The following SMIM35 variants were observed in gnomAD, a reference collection of about 807,000 sequenced individuals.
SMIM35 encodes the protein small integral membrane protein 35, also known as TMPRSS4 antisense RNA 1 (non-protein coding).
intron 1 of SMIM35, among the ~76,000 whole-genome samples, chr11:118,068,213 C>T (rs1271853788): frequency 1.3e-5 from 2 of 152,066 alleles, no homozygotes; most frequent in Non-Finnish European, 2.9e-5. Flanking sequence ...ATTTCCCCAG[C>T]GCACACAGCC....
intron 1 of SMIM35, among the ~76,000 whole-genome samples, chr11:118,019,432 G>GGGAACTC (rs1440939253): frequency 3.0e-4 from 46 of 152,302 alleles, no homozygotes; most frequent in Non-Finnish European, 5.3e-4. Flanking sequence ...TGAGGAGTCA[G>GGGAACTC]AATTTAAGTT....
chr11:118,023,855 A>G (rs1239596430), intron 1 of SMIM35, among the ~76,000 whole-genome samples: 1 of 152,080 alleles, frequency 6.6e-6, no homozygotes, highest in African/African-American at 2.4e-5. Flanking sequence ...CAAAATAGTG[A>G]AACACCATCT....
At chr11:118,038,423 T>G (rs1591290999) in intron 1 of SMIM35, among the ~76,000 whole-genome samples, 1 of 152,306 alleles carries the variant, frequency 6.6e-6, no homozygotes, top group East Asian at 1.9e-4. Context: ...TTCCAGGAAG[T>G]TTTTCTTTTT....
intron 1 of SMIM35, among the ~76,000 whole-genome samples, chr11:118,080,182 C>A (rs1186890069): frequency 6.6e-6 from 1 of 152,166 alleles, no homozygotes. Flanking sequence ...ACCCCTGGAG[C>A]TGAAAAAGCA....
chr11:118,069,666 G>A (rs569823408), intron 1 of SMIM35, among the ~76,000 whole-genome samples: 23 of 152,304 alleles, frequency 1.5e-4, no homozygotes, highest in African/African-American at 5.3e-4. Flanking sequence ...AATGAATAGT[G>A]TTGGGAGGTA....
chr11:118,012,915 C>T (rs2058157706), intron 4 of SMIM35, among the ~76,000 whole-genome samples: 1 of 152,230 alleles, frequency 6.6e-6, no homozygotes, highest in African/African-American at 2.4e-5. Context: ...AAGAAGCTCC[C>T]TGCTGGTGTC....
At chr11:118,012,226 C>G (rs1009767819) in intron 4 of SMIM35, among the ~76,000 whole-genome samples, 1 of 152,224 alleles carries the variant, frequency 6.6e-6, no homozygotes, top group Non-Finnish European at 1.5e-5. Flanking sequence ...TTGCCCTACT[C>G]CATCCACAGG....
At chr11:118,042,408 C>G (rs1944020555) in intron 1 of SMIM35, among the ~76,000 whole-genome samples, 1 of 151,996 alleles carries the variant, frequency 6.6e-6, no homozygotes, top group Non-Finnish European at 1.5e-5. Flanking sequence ...AAAACTGACT[C>G]AAGAAGAAAC....
intron 1 of SMIM35, among the ~76,000 whole-genome samples, chr11:118,049,233 G>A (rs1944167053): frequency 6.6e-6 from 1 of 152,038 alleles, no homozygotes; most frequent in African/African-American, 2.4e-5. Flanking sequence ...GAGTGGCCGG[G>A]AGACTGGTCC....
intron 1 of SMIM35, among the ~76,000 whole-genome samples, chr11:118,064,961 G>A (rs536523021): frequency 6.6e-5 from 10 of 152,174 alleles, no homozygotes; most frequent in South Asian, 2.1e-4. Context: ...AATATTAAAC[G>A]CTAGCCTTCT....
chr11:118,014,254 C>T (rs767188621), intron 3 of SMIM35, among the ~76,000 whole-genome samples: 62 of 151,570 alleles, frequency 4.1e-4, no homozygotes, highest in South Asian at 2.1e-4. Context: ...GAAACTAATA[C>T]GGCAGTAGTG....
intron 1 of SMIM35, chr11:118,067,121 A>G (rs367781023): frequency 6.6e-5 from 10 of 152,278 alleles, no homozygotes; most frequent in East Asian, 5.8e-4. Context: ...ATGTGTAAAC[A>G]TGTCACAATA....
chr11:118,028,195 A>T (rs532313571), intron 1 of SMIM35, among the ~76,000 whole-genome samples: 115 of 152,304 alleles, frequency 7.6e-4, no homozygotes, highest in African/African-American at 2.6e-3. Context: ...GTAGGGAGTC[A>T]GTGTAGACAA....
chr11:118,014,438 A>G (rs984963986), intron 3 of SMIM35, among the ~76,000 whole-genome samples: 4 of 148,922 alleles, frequency 2.7e-5, no homozygotes, highest in East Asian at 1.9e-4. Context: ...GGATGAATGG[A>G]TGGATGGATG....
At chr11:118,086,052 C>T (rs538435457) in intron 1 of SMIM35, among the ~76,000 whole-genome samples, 75 of 152,354 alleles carry the variant, frequency 4.9e-4, no homozygotes, top group African/African-American at 1.7e-3. Flanking sequence ...CCAGGTCTGT[C>T]TTCAGTTTAA....
At chr11:118,030,660 T>C (rs1470751388) in intron 1 of SMIM35, among the ~76,000 whole-genome samples, 6 of 151,456 alleles carry the variant, frequency 4.0e-5, no homozygotes, top group African/African-American at 1.2e-4. Flanking sequence ...GGGAGGAGGG[T>C]ATCCATAAAG....
chr11:118,063,394 G>A (rs536130867), intron 1 of SMIM35, among the ~76,000 whole-genome samples: 67 of 152,032 alleles, frequency 4.4e-4, no homozygotes, highest in African/African-American at 1.3e-3. Flanking sequence ...TGTCTCTCTC[G>A]TCTGCATTTT....
chr11:118,036,255 T>C (rs1399107632), intron 1 of SMIM35, among the ~76,000 whole-genome samples: 1 of 152,180 alleles, frequency 6.6e-6, no homozygotes, highest in Non-Finnish European at 1.5e-5. Flanking sequence ...GATCTAGATA[T>C]ACCCTTACCA....
At chr11:118,085,764 C>T (rs1349350292) in intron 1 of SMIM35, among the ~76,000 whole-genome samples, 1 of 152,240 alleles carries the variant, frequency 6.6e-6, no homozygotes, top group South Asian at 2.1e-4. Context: ...CTGGCCCTCT[C>T]GAGTCCCCTC....
Sources: gnomAD v4.1 joint callset for allele counts (sites outside exome capture counted in the v4.1 genomes callset) on GRCh38, gnomAD v4.1.1 for gene constraint, MANE v1.5 for transcripts, NCBI Gene and HGNC (gene_info 2026-07-23, HGNC 2026-07-21) for gene names.